Variants in TTC6 observed in about 807,000 individuals in gnomAD.
The protein encoded by TTC6 is tetratricopeptide repeat domain 6.
TTC6 carries 172 observed loss-of-function variants against 210.4 expected under a neutral mutation model. The ratio of observed to expected loss-of-function variants is 0.82; its 90% CI spans 0.72 to 0.93. The LOEUF is 0.93. TTC6 is among the 40% of genes least tolerant of loss of function. The probability of loss-of-function intolerance (pLI) is 0.00; values close to 1 mark genes in which losing one functional copy is unlikely to be tolerated. For missense variants in TTC6, 2,414 were observed against 2,318.1 expected, an observed-to-expected ratio of 1.04 and a Z score of -0.85; for synonymous variants, 804 against 819.6, an observed-to-expected ratio of 0.98 and a Z score of 0.32.
At chr14:37,664,742 A>G (rs776845149) in intron 1 of TTC6, among the ~76,000 whole-genome samples, 2 of 150,708 alleles carry the variant, frequency 1.3e-5, no homozygotes, top group African/African-American at 2.4e-5. Flanking sequence ...AAATTTTTGC[A>G]ATCTATCCAT....
chr14:37,743,341 T>A (rs569796771), intron 10 of TTC6, among the ~76,000 whole-genome samples: 9 of 152,314 alleles, frequency 5.9e-5, no homozygotes, highest in Admixed American at 1.3e-4. Context: ...TAAAAGTTCA[T>A]CCACGGTCTG....
Position 37,768,723 on chromosome 14 carries a change from G to C in TTC6, c.3266+15488G>C, listed in dbSNP as rs1451566757. Among the ~76,000 whole-genome samples, 4 of 152,058 alleles carry C rather than the reference G, an allele frequency of 2.6e-5. No homozygotes were observed. The East Asian group carries it at 7.8e-4, about 29-fold the overall frequency. On this transcript the variant is annotated intron_variant, in intron 14 of 30. Coordinates refer to ENST00000553443, the Ensembl canonical transcript of TTC6. ...TGGGCTGAGACAATGGGGTTTTCTA[G>C]ATATACAATCATGTCGTCTGCAAAG...
At chr14:37,796,154 T>TATA in intron 18 of TTC6, 140 bp from the exon 21 acceptor site, 1 of 395,584 alleles carries the variant, frequency 2.5e-6, no homozygotes, top group South Asian at 4.4e-5. Flanking sequence ...ATAAAATGTC[T>TATA]ATAATTTTCA....
intron 3 of TTC6, among the ~76,000 whole-genome samples, chr14:37,687,259 G>T (rs2095795791): frequency 6.6e-6 from 1 of 152,122 alleles, no homozygotes; most frequent in African/African-American, 2.4e-5. Context: ...CTCAGCTGGT[G>T]CCTGCCCACA....
At chr14:37,658,516 C>A (rs2095729750) in intron 1 of TTC6, among the ~76,000 whole-genome samples, 1 of 151,996 alleles carries the variant, frequency 6.6e-6, no homozygotes, top group Admixed American at 6.6e-5. Context: ...TAGCTGGGAG[C>A]TGAATAATGT....
intron 17 of TTC6, 146 bp from the exon 20 acceptor site, chr14:37,795,124 C>T: frequency 1.5e-5 from 7 of 455,232 alleles, no homozygotes; most frequent in East Asian, 6.9e-5. Context: ...TCTCTGTATC[C>T]CATTTGCTTT....
intron 1 of TTC6, among the ~76,000 whole-genome samples, chr14:37,663,018 A>G (rs2095740515): frequency 6.6e-6 from 1 of 151,928 alleles, no homozygotes; most frequent in Non-Finnish European, 1.5e-5. Flanking sequence ...TTTTTTATCC[A>G]TGAGCATGGA....
chr14:37,678,564 A>G (rs1387056287), intron 1 of TTC6, among the ~76,000 whole-genome samples: 1 of 152,010 alleles, frequency 6.6e-6, no homozygotes, highest in African/African-American at 2.4e-5. Flanking sequence ...CTCTCATCTG[A>G]TTTCTGTCTC....
At chr14:37,597,784 C>CA (rs2095607312) in intron 1 of TTC6, among the ~76,000 whole-genome samples, 1 of 152,100 alleles carries the variant, frequency 6.6e-6, no homozygotes, top group African/African-American at 2.4e-5. Flanking sequence ...CTCCGGGGAG[C>CA]ACCGCCAGGC....
chr14:37,744,889 A>C (rs2095931276), intron 10 of TTC6, among the ~76,000 whole-genome samples: 1 of 152,182 alleles, frequency 6.6e-6, no homozygotes, highest in East Asian at 1.9e-4. Context: ...GGTGAGAAAT[A>C]GTTTCTTGGT....
At chr14:37,757,071 G>C (rs1298985264) in intron 14 of TTC6, among the ~76,000 whole-genome samples, 1 of 152,030 alleles carries the variant, frequency 6.6e-6, no homozygotes, top group African/African-American at 2.4e-5. Flanking sequence ...TCCTGGTTTA[G>C]TCTTGGGAGG....
rs532059475 is a variant in TTC6, at chr14:37,787,746, C to A, written c.3436+109C>A. 39 of 745,612 alleles carry A rather than the reference C, an allele frequency of 5.2e-5. No individual in the cohort carries two copies. In the East Asian group the frequency reaches 1.1e-3, roughly 21 times the overall value. The allele number at this position is 745,612 out of a possible 1,614,324, so 46.2% of individuals were successfully genotyped here. A position where few individuals can be genotyped will look rare whatever the true frequency, so the allele number is the denominator to read the frequency against. ...GTTCACTAATGTAATATGTATACTA[C>A]TATATACTAATATACATTATAAGTA... On this transcript the variant is annotated intron_variant, in intron 15 of 30. Coordinates refer to ENST00000553443, the Ensembl canonical transcript of TTC6.
intron 29 of TTC6, among the ~76,000 whole-genome samples, chr14:37,830,270 C>A (rs2096181619): frequency 6.6e-6 from 1 of 151,916 alleles, no homozygotes; most frequent in African/African-American, 2.4e-5. Context: ...GTCAAGATAA[C>A]CACATTTTTT....
chr14:37,660,874 C>T lies in TTC6; in HGVS notation c.940-19277C>T, dbSNP rs568870463. ...TGTTTCTTGACTTTTTAATACTGGC[C>T]GTTCTGACTGGCATGAGATGGTATC... On this transcript the variant is annotated intron_variant, in intron 1 of 30. Transcript: ENST00000553443. 9.2e-5 allele frequency among the ~76,000 whole-genome samples: 14 copies of T among 152,208 alleles called. No individual in the cohort carries two copies. The South Asian group carries it at 2.3e-3, about 25-fold the overall frequency.
At chr14:37,746,927 A>G (rs1007085045) in intron 10 of TTC6, among the ~76,000 whole-genome samples, 4 of 152,194 alleles carry the variant, frequency 2.6e-5, no homozygotes, top group South Asian at 2.1e-4. Flanking sequence ...ACCTCCTTGC[A>G]TGTTAACATC....
intron 6 of TTC6, among the ~76,000 whole-genome samples, chr14:37,720,898 A>G (rs2095860599): frequency 6.6e-6 from 1 of 152,182 alleles, no homozygotes; most frequent in African/African-American, 2.4e-5. Context: ...AATGTTTTGT[A>G]GCTTGACTGT....
intron 1 of TTC6, among the ~76,000 whole-genome samples, chr14:37,659,276 A>C (rs2095731886): frequency 6.6e-6 from 1 of 152,100 alleles, no homozygotes; most frequent in African/African-American, 2.4e-5. Context: ...AGAATGATTT[A>C]TATTCCTCTG....
chr14:37,775,047 T>G (rs989646933), intron 14 of TTC6, among the ~76,000 whole-genome samples: 1 of 152,116 alleles, frequency 6.6e-6, no homozygotes. Flanking sequence ...TCTCAGAGGG[T>G]TTTTGTTTTT....
At chr14:37,623,797 C>T (rs2139306537) in intron 1 of TTC6, among the ~76,000 whole-genome samples, 1 of 152,260 alleles carries the variant, frequency 6.6e-6, no homozygotes, top group African/African-American at 2.4e-5. Flanking sequence ...ATGACTTGTC[C>T]CTGGCAGGAA....
Sources: allele counts gnomAD v4.1 joint callset (sites outside exome capture counted in the v4.1 genomes callset), GRCh38; gene constraint gnomAD v4.1.1; transcripts MANE v1.5; gene names NCBI Gene and HGNC (gene_info 2026-07-23, HGNC 2026-07-21).